The following KCNU1 variants were observed in gnomAD, a reference collection of about 807,000 sequenced individuals.
The protein encoded by KCNU1 is potassium calcium-activated channel subfamily U member 1.
KCNU1 carries 93 observed loss-of-function variants against 126.8 expected under a neutral mutation model. The observed-to-expected ratio is 0.73, with a 90% CI of 0.62 to 0.87. KCNU1 has a LOEUF of 0.87. Among genes scored for constraint, KCNU1 ranks in the 40% least tolerant of loss-of-function variants. KCNU1 has a pLI of 0.00. For missense variants in KCNU1, 1,330 were observed against 1,367.1 expected (o/e 0.97, Z 0.43); for synonymous variants, 523 against 494.2 (o/e 1.06, Z -0.77).
At chr8:36,872,568 A>G (rs1011393904) in intron 19 of KCNU1, among the ~76,000 whole-genome samples, 2 of 152,144 alleles carry the variant, frequency 1.3e-5, no homozygotes, top group African/African-American at 2.4e-5. Flanking sequence ...AAAATAAATA[A>G]TACAATCTCA....
At chr8:36,891,190 T>C (rs1358918013) in intron 19 of KCNU1, among the ~76,000 whole-genome samples, 2 of 151,972 alleles carry the variant, frequency 1.3e-5, no homozygotes, top group Non-Finnish European at 2.9e-5. Context: ...TTGTGATTTC[T>C]TTTAGAGTAT....
At chr8:36,911,552 T>G (rs1008381972) in intron 22 of KCNU1, among the ~76,000 whole-genome samples, 1 of 152,186 alleles carries the variant, frequency 6.6e-6, no homozygotes, top group African/African-American at 2.4e-5. Flanking sequence ...GTTGAGAGAA[T>G]GAACCATGAT....
intron 10 of KCNU1, among the ~76,000 whole-genome samples, chr8:36,819,238 T>A (rs1168170915): frequency 6.6e-6 from 1 of 152,156 alleles, no homozygotes; most frequent in East Asian, 1.9e-4. Flanking sequence ...CTCCTGGATA[T>A]TTTTAACCTA....
intron 25 of KCNU1, among the ~76,000 whole-genome samples, chr8:36,932,241 G>A (rs962941625): frequency 6.6e-6 from 1 of 152,088 alleles, no homozygotes; most frequent in Non-Finnish European, 1.5e-5. Flanking sequence ...AGGTGGACTT[G>A]TAAGTGTATA....
chr8:36,884,053 G>A (rs536710998), intron 19 of KCNU1, among the ~76,000 whole-genome samples: 13 of 152,286 alleles, frequency 8.5e-5, no homozygotes, highest in African/African-American at 3.1e-4. Context: ...AAGTTTCATA[G>A]TAATGGCTAA....
At chr8:36,901,299 C>T (rs1807409677) in intron 19 of KCNU1, among the ~76,000 whole-genome samples, 1 of 152,038 alleles carries the variant, frequency 6.6e-6, no homozygotes, top group Non-Finnish European at 1.5e-5. Context: ...GGTTTGGTCT[C>T]TCTCTCATCA....
intron 19 of KCNU1, among the ~76,000 whole-genome samples, chr8:36,889,648 T>C (rs1806876258): frequency 6.6e-6 from 1 of 151,962 alleles, no homozygotes; most frequent in Non-Finnish European, 1.5e-5. Context: ...AAATTTAAAA[T>C]GTGAATATAT....
At chr8:36,895,505 T>A (rs1807154368) in intron 19 of KCNU1, among the ~76,000 whole-genome samples, 1 of 152,144 alleles carries the variant, frequency 6.6e-6, no homozygotes, top group Non-Finnish European at 1.5e-5. Flanking sequence ...GGTTTCATCA[T>A]CTCTATTAAC....
chr8:36,861,613 C>A (rs1805732983), intron 18 of KCNU1, among the ~76,000 whole-genome samples: 1 of 152,132 alleles, frequency 6.6e-6, no homozygotes, highest in Non-Finnish European at 1.5e-5. Flanking sequence ...TATGTAATAT[C>A]ACTTTTTAGG....
chr8:36,830,916 AC>A (rs1001396948), intron 10 of KCNU1, among the ~76,000 whole-genome samples: 3 of 61,686 alleles, frequency 4.9e-5, no homozygotes, highest in Admixed American at 2.6e-4. Flanking sequence ...CCCTCCCCCC[AC>A]CCCACAACAG....
intron 23 of KCNU1, among the ~76,000 whole-genome samples, chr8:36,921,659 G>GAAA (rs58109120): frequency 7.7e-4 from 75 of 97,718 alleles, no homozygotes; most frequent in Non-Finnish European, 1.2e-3. Flanking sequence ...ATGAAGTGAG[G>GAAA]AAAAAAAAAA....
chr8:36,879,087 G>T (rs1433170891), intron 19 of KCNU1, among the ~76,000 whole-genome samples: 1 of 147,572 alleles, frequency 6.8e-6, no homozygotes, highest in African/African-American at 2.5e-5. Context: ...GTAAAAGATT[G>T]GTTTATGGCT....
chr8:36,811,567 T>A (rs1803713343), intron 7 of KCNU1, among the ~76,000 whole-genome samples: 1 of 152,176 alleles, frequency 6.6e-6, no homozygotes, highest in Admixed American at 6.5e-5. Flanking sequence ...TATTAATAGC[T>A]TAATGATAAA....
chr8:36,832,680 C>T (rs1048145013), intron 10 of KCNU1, among the ~76,000 whole-genome samples: 1 of 152,014 alleles, frequency 6.6e-6, no homozygotes, highest in East Asian at 1.9e-4. Flanking sequence ...AAAGAACTGA[C>T]TTTTGATGTG....
intron 19 of KCNU1, among the ~76,000 whole-genome samples, chr8:36,878,095 A>G (rs1259797436): frequency 1.3e-5 from 2 of 152,194 alleles, no homozygotes; most frequent in Non-Finnish European, 2.9e-5. Flanking sequence ...CTAGCTTCTC[A>G]TTATAAAGAA....
At chr8:36,830,017 T>C (rs1804472575) in intron 10 of KCNU1, among the ~76,000 whole-genome samples, 1 of 149,518 alleles carries the variant, frequency 6.7e-6, no homozygotes, top group African/African-American at 2.4e-5. Context: ...ATATAAATAA[T>C]TATATTTATA....
At chr8:36,908,755 A>G (rs77366326) in intron 20 of KCNU1, among the ~76,000 whole-genome samples, 2,594 of 152,180 alleles carry the variant, frequency 0.017, 84 homozygotes, top group African/African-American at 0.059. Context: ...AGTATATTCA[A>G]TTGAACCATA....
intron 18 of KCNU1, among the ~76,000 whole-genome samples, chr8:36,852,845 T>A (rs1325862889): frequency 6.6e-6 from 1 of 152,188 alleles, no homozygotes; most frequent in East Asian, 1.9e-4. Flanking sequence ...GTTTATCTAT[T>A]TTGTTGATCT....
At chr8:36,931,685 TG>T (rs1023625198) in intron 25 of KCNU1, among the ~76,000 whole-genome samples, 2 of 152,058 alleles carry the variant, frequency 1.3e-5, no homozygotes, top group Non-Finnish European at 2.9e-5. Context: ...AGTTTGACCC[TG>T]GGCCTGCCTA....
Sources: allele counts gnomAD v4.1 joint callset (sites outside exome capture counted in the v4.1 genomes callset), GRCh38; gene constraint gnomAD v4.1.1; transcripts MANE v1.5; gene names NCBI Gene and HGNC (gene_info 2026-07-23, HGNC 2026-07-21).